Variants in CACNA2D3 observed in about 807,000 individuals in gnomAD.
CACNA2D3 encodes voltage-dependent calcium channel subunit alpha-2/delta-3.
Under a neutral mutation model 160.6 loss-of-function variants are expected in CACNA2D3, and 60 were observed. That is an observed-to-expected ratio of 0.37 (90% CI 0.30 to 0.46). The LOEUF (loss-of-function observed/expected upper bound fraction) is 0.46, where lower values mean the gene tolerates loss of function less well. Among genes scored for constraint, CACNA2D3 ranks in the 20% least tolerant of loss-of-function variants. CACNA2D3 has a pLI of 1.00. For missense variants in CACNA2D3, 1,205 were observed against 1,365.0 expected (o/e 0.88, Z 1.85); for synonymous variants, 558 against 492.9 (o/e 1.13, Z -1.75).
At chr3:54,203,967 G>A (rs1370327442) in intron 2 of CACNA2D3, among the ~76,000 whole-genome samples, 1 of 151,906 alleles carries the variant, frequency 6.6e-6, no homozygotes, top group African/African-American at 2.4e-5. Flanking sequence ...CCTGGGAGTG[G>A]GACCCTAGCC....
At chr3:54,212,051 C>A (rs1215302394) in intron 2 of CACNA2D3, among the ~76,000 whole-genome samples, 1 of 152,010 alleles carries the variant, frequency 6.6e-6, no homozygotes, top group East Asian at 1.9e-4. Flanking sequence ...GAACAGAAGG[C>A]TCAGGAAATG....
rs190029039 is a variant in CACNA2D3, at chr3:54,284,301, A to T, written c.205-36141A>T. Among the ~76,000 whole-genome samples, 324 of 151,634 alleles carry T rather than the reference A, an allele frequency of 2.1e-3. 3 individuals carry two copies. Among genetic ancestry groups the T allele is most frequent in the African/African-American group, 7.2e-3 (297 of 41,470 alleles). On this transcript the variant is annotated intron_variant, in intron 2 of 37. Coordinates refer to ENST00000474759, the MANE Select transcript of CACNA2D3 (RefSeq NM_018398.3). Reference sequence around the variant, plus strand: ...AAAATAAAATTAAATTAAAAAAATTAAAAAAATTAAATAAAATGGTACAAT... The same window carrying T: ...AAAATAAAATTAAATTAAAAAAATTTAAAAAATTAAATAAAATGGTACAAT...
intron 3 of CACNA2D3, among the ~76,000 whole-genome samples, chr3:54,355,423 G>A (rs1698632240): frequency 1.3e-5 from 2 of 152,222 alleles, no homozygotes; most frequent in African/African-American, 4.8e-5. Context: ...GCAGTCATCA[G>A]TGAAGTGATC....
rs561997062 is a variant in CACNA2D3, at chr3:54,276,812, T to A, written c.205-43630T>A. 7.9e-5 allele frequency among the ~76,000 whole-genome samples: 12 copies of A among 152,310 alleles called. No individual in the cohort carries two copies. In the East Asian group the frequency reaches 2.3e-3, roughly 29 times the overall value. On this transcript the variant is annotated intron_variant, in intron 2 of 37. Coordinates refer to ENST00000474759, the MANE Select transcript of CACNA2D3 (RefSeq NM_018398.3). ...ATTGTTTATTTTCTGGCTACCCAAC[T>A]GTTGCGTCTAAACCCATCTCTAGGC...
At chr3:54,192,332 C>T (rs1419433831) in intron 2 of CACNA2D3, among the ~76,000 whole-genome samples, 2 of 152,160 alleles carry the variant, frequency 1.3e-5, no homozygotes, top group Non-Finnish European at 2.9e-5. Flanking sequence ...CGGAGCTTGC[C>T]TTTCCTTCTG....
chr3:54,341,250 T>C (rs536665812), intron 3 of CACNA2D3, among the ~76,000 whole-genome samples: 116 of 152,358 alleles, frequency 7.6e-4, no homozygotes, highest in African/African-American at 2.6e-3. Context: ...CTTCAGTGTT[T>C]GTTCTCTTTA....
chr3:54,927,350 CAA>C (rs1479100829), intron 27 of CACNA2D3, among the ~76,000 whole-genome samples: 10 of 152,128 alleles, frequency 6.6e-5, no homozygotes, highest in African/African-American at 2.2e-4. Flanking sequence ...TCCAGAATAT[CAA>C]AGAGCAAAAC....
At chr3:54,360,581 T>G (rs1245262758) in intron 3 of CACNA2D3, among the ~76,000 whole-genome samples, 1 of 152,146 alleles carries the variant, frequency 6.6e-6, no homozygotes. Flanking sequence ...AATCGTTACC[T>G]TTGGTCTGAC....
chr3:54,987,642 A>G (rs747429585), intron 30 of CACNA2D3, 41 bp from the exon 31 acceptor site: 2 of 1,330,362 alleles, frequency 1.5e-6, no homozygotes. Flanking sequence ...GTTTGGGCAC[A>G]TTATTTATCT....
At chr3:54,273,695 G>A (rs1702672296) in intron 2 of CACNA2D3, among the ~76,000 whole-genome samples, 1 of 152,200 alleles carries the variant, frequency 6.6e-6, no homozygotes, top group Non-Finnish European at 1.5e-5. Flanking sequence ...CGACTGGGAA[G>A]GGTCTCCATC....
chr3:54,780,479 T>A (rs539058311), intron 13 of CACNA2D3, among the ~76,000 whole-genome samples: 1 of 152,344 alleles, frequency 6.6e-6, no homozygotes, highest in East Asian at 1.9e-4. Flanking sequence ...GCTAAAGATA[T>A]GGTTTATGGG....
chr3:54,822,362 CTGAG>C (rs1483674518), intron 14 of CACNA2D3, among the ~76,000 whole-genome samples: 3 of 152,230 alleles, frequency 2.0e-5, no homozygotes, highest in Non-Finnish European at 4.4e-5. Flanking sequence ...CTGTGGAAAT[CTGAG>C]TGATGGCATA....
rs572288565 is a variant in CACNA2D3 at position 55,049,660 on chromosome 3, T to C, written c.2988-23785T>C. Among the ~76,000 whole-genome samples, 508 of 147,436 alleles carry C rather than the reference T, an allele frequency of 3.4e-3. 8 individuals are homozygous for C. Among genetic ancestry groups the C allele is most frequent in the African/African-American group, 0.012 (473 of 38,464 alleles). On this transcript the variant is annotated intron_variant, in intron 35 of 37. Coordinates refer to ENST00000474759, the MANE Select transcript of CACNA2D3 (RefSeq NM_018398.3). ...TGAGTTCAATTCCTGGGTATCCTTG[T>C]TGACTTTCTGTCTCGTTGATCTGTC...
chr3:54,705,387 A>G (rs1389304714), intron 11 of CACNA2D3, among the ~76,000 whole-genome samples: 3 of 152,048 alleles, frequency 2.0e-5, no homozygotes, highest in Non-Finnish European at 2.9e-5. Flanking sequence ...TAGATTCCTC[A>G]CTTGTTGAGA....
rs1163573327 is a variant in CACNA2D3 at position 54,763,800 on chromosome 3, T to C, written c.1247-418T>C. 3.5e-3 allele frequency among the ~76,000 whole-genome samples: 54 copies of C among 15,582 alleles called. 15 individuals carry two copies. Among genetic ancestry groups the C allele is most frequent in the African/African-American group, 5.9e-3 (22 of 3,746 alleles). The allele number at this position is 15,582 out of a possible 152,430, so 10.2% of individuals were successfully genotyped here. On this transcript the variant is annotated intron_variant, in intron 12 of 37. Transcript: ENST00000474759. ...ATGTACATATATATGTATATATATG[T>C]ACATATATATACATATATATATACG...
chr3:54,895,949 A>T (rs1460144843), intron 25 of CACNA2D3, among the ~76,000 whole-genome samples: 2 of 152,146 alleles, frequency 1.3e-5, no homozygotes, highest in Admixed American at 1.3e-4. Flanking sequence ...TGGGGAGGGG[A>T]TATGATGATT....
At chr3:54,203,786 C>G (rs565436395) in intron 2 of CACNA2D3, among the ~76,000 whole-genome samples, 2 of 152,074 alleles carry the variant, frequency 1.3e-5, no homozygotes, top group African/African-American at 4.8e-5. Flanking sequence ...GCTGTCCGGC[C>G]GCTTGTGTCT....
chr3:54,975,644 G>A (rs1266180844), intron 29 of CACNA2D3, among the ~76,000 whole-genome samples: 1 of 151,554 alleles, frequency 6.6e-6, no homozygotes, highest in Non-Finnish European at 1.5e-5. Flanking sequence ...ATCATTGTTT[G>A]CTAGGATGTA....
intron 27 of CACNA2D3, among the ~76,000 whole-genome samples, chr3:54,958,286 A>T (rs1701950599): frequency 6.6e-6 from 1 of 152,226 alleles, no homozygotes; most frequent in Admixed American, 6.5e-5. Context: ...CCAGCTACTC[A>T]GGAGGCTGAG....
Sources: allele counts gnomAD v4.1 joint callset (sites outside exome capture counted in the v4.1 genomes callset), GRCh38; gene constraint gnomAD v4.1.1; transcripts MANE v1.5; gene names NCBI Gene and HGNC (gene_info 2026-07-23, HGNC 2026-07-21).